CEP85L: variants seen among roughly 807,000 people sequenced by gnomAD.
CEP85L encodes centrosomal protein 85L, also known as centrosomal protein of 85 kDa-like.
CEP85L carries 60 observed loss-of-function variants against 100.3 expected under a neutral mutation model. That is an observed-to-expected ratio of 0.60 (90% CI 0.49 to 0.74). The LOEUF is 0.74. Among genes scored for constraint, CEP85L ranks in the 30% least tolerant of loss-of-function variants. The pLI, the probability that CEP85L is intolerant of heterozygous loss-of-function variation, is 0.00. For synonymous variants in CEP85L, 319 were observed against 322.7 expected (o/e 0.99, Z 0.12); for missense variants, 973 against 936.2 (o/e 1.04, Z -0.51).
chr6:118,472,289 C>A (rs913094586), intron 10 of CEP85L, among the ~76,000 whole-genome samples: 1 of 152,054 alleles, frequency 6.6e-6, no homozygotes, highest in Non-Finnish European at 1.5e-5. Context: ...ATCAGAAAAA[C>A]TGAAAATGTC....
chr6:118,499,158 A>G (rs1287239015), intron 5 of CEP85L, among the ~76,000 whole-genome samples: 1 of 152,222 alleles, frequency 6.6e-6, no homozygotes, highest in Non-Finnish European at 1.5e-5. Flanking sequence ...GAAAAAAAGG[A>G]TCTAAAATAA....
intron 4 of CEP85L, among the ~76,000 whole-genome samples, chr6:118,512,558 T>C (rs1776031530): frequency 6.6e-6 from 1 of 152,164 alleles, no homozygotes; most frequent in South Asian, 2.1e-4. Flanking sequence ...AGAATGTTAC[T>C]GGCATCTAGT....
rs541265210 is a variant in CEP85L at position 118,572,615 on chromosome 6, T to C, written c.233-6299A>G. Among the ~76,000 whole-genome samples, 144 of 152,254 alleles carry C rather than the reference T, an allele frequency of 9.5e-4. 1 individual carries two copies. Among genetic ancestry groups the C allele is most frequent in the Middle Eastern group, 3.4e-3 (1 of 294 alleles). On this transcript the variant is annotated intron_variant, in intron 2 of 12. Transcript: ENST00000368491. ...TAAATAAATATTTCAAAGTATTCTC[T>C]ATATTTTTAGGTAAATATATTTTAA...
intron 5 of CEP85L, among the ~76,000 whole-genome samples, chr6:118,507,160 A>G (rs1488994165): frequency 6.6e-6 from 1 of 152,120 alleles, no homozygotes; most frequent in Non-Finnish European, 1.5e-5. Context: ...TTAACTCACT[A>G]TTTTTCTCCT....
intron 1 of CEP85L, among the ~76,000 whole-genome samples, chr6:118,641,005 T>C (rs1236091816): frequency 6.6e-6 from 1 of 152,230 alleles, no homozygotes; most frequent in African/African-American, 2.4e-5. Flanking sequence ...TAAGCTTTTC[T>C]GTACTGAGTC....
intron 5 of CEP85L, chr6:118,502,773 T>G (rs369555078): frequency 1.7e-6 from 1 of 594,030 alleles, no homozygotes; most frequent in African/African-American, 1.8e-5. Context: ...CTTAAAGAAC[T>G]TGTACAACAA....
At chr6:118,694,603 T>G (rs534660760) in intron 1 of CEP85L, among the ~76,000 whole-genome samples, 98 of 152,272 alleles carry the variant, frequency 6.4e-4, no homozygotes, top group Middle Eastern at 3.4e-3. Context: ...CTAAAACCCC[T>G]ACAATCTCTC....
At chr6:118,598,524 G>A (rs1781568309) in intron 2 of CEP85L, among the ~76,000 whole-genome samples, 1 of 152,116 alleles carries the variant, frequency 6.6e-6, no homozygotes, top group Non-Finnish European at 1.5e-5. Context: ...AAGATATGAA[G>A]ACAGAAAGCT....
At chr6:118,683,821 A>G (rs1261660123) in intron 1 of CEP85L, among the ~76,000 whole-genome samples, 1 of 152,176 alleles carries the variant, frequency 6.6e-6, no homozygotes, top group Non-Finnish European at 1.5e-5. Flanking sequence ...GTAAAGAGAC[A>G]TTTGTTGGGT....
chr6:118,469,670 T>G (rs1171393760), intron 11 of CEP85L, among the ~76,000 whole-genome samples: 1 of 152,162 alleles, frequency 6.6e-6, no homozygotes, highest in African/African-American at 2.4e-5. Flanking sequence ...CAATCATGAC[T>G]CACTACTGCA....
intron 2 of CEP85L, among the ~76,000 whole-genome samples, chr6:118,607,727 C>T (rs1772322397): frequency 6.6e-6 from 1 of 152,120 alleles, no homozygotes; most frequent in Non-Finnish European, 1.5e-5. Flanking sequence ...ATCCTTTACC[C>T]AGGTACCCCA....
intron 2 of CEP85L, among the ~76,000 whole-genome samples, chr6:118,604,882 C>G (rs1273228930): frequency 6.6e-6 from 1 of 152,018 alleles, no homozygotes; most frequent in Non-Finnish European, 1.5e-5. Flanking sequence ...TTAAAACTGT[C>G]TTTATTTCCA....
chr6:118,605,857 A>T (rs1285214591), intron 2 of CEP85L, among the ~76,000 whole-genome samples: 1 of 151,776 alleles, frequency 6.6e-6, no homozygotes, highest in Admixed American at 6.6e-5. Context: ...CCAAAAATAC[A>T]AAAAAAATTA....
intron 2 of CEP85L, among the ~76,000 whole-genome samples, chr6:118,598,243 C>T (rs1247608130): frequency 1.3e-5 from 2 of 152,208 alleles, no homozygotes; most frequent in East Asian, 3.8e-4. Context: ...TCTCCACGCA[C>T]TTCTGATTTA....
At chr6:118,650,951 C>T (rs1775511956) in intron 1 of CEP85L, among the ~76,000 whole-genome samples, 3 of 152,214 alleles carry the variant, frequency 2.0e-5, no homozygotes, top group Admixed American at 2.0e-4. Flanking sequence ...AAGTTGGGGG[C>T]GCTGGGGCTG....
intron 2 of CEP85L, among the ~76,000 whole-genome samples, chr6:118,585,938 G>A (rs993814435): frequency 6.6e-6 from 1 of 152,122 alleles, no homozygotes; most frequent in African/African-American, 2.4e-5. Flanking sequence ...CTGGGTAGAA[G>A]CATTTCCATG....
chr6:118,703,846 A>G (rs971173316), intron 1 of CEP85L, among the ~76,000 whole-genome samples: 1 of 152,194 alleles, frequency 6.6e-6, no homozygotes, highest in African/African-American at 2.4e-5. Context: ...AAATATATTT[A>G]ATGTTATCTG....
At chr6:118,615,219 C>T (rs1051130188) in intron 2 of CEP85L, among the ~76,000 whole-genome samples, 6 of 152,028 alleles carry the variant, frequency 3.9e-5, no homozygotes, top group Non-Finnish European at 5.9e-5. Flanking sequence ...CCTAGGAAGA[C>T]TTTTTTTGTA....
chr6:118,561,997 A>G (rs570129738), intron 3 of CEP85L, among the ~76,000 whole-genome samples: 29 of 152,320 alleles, frequency 1.9e-4, no homozygotes, highest in South Asian at 8.3e-4. Context: ...GCACACTTCA[A>G]AATGTCCAGA....
Sources: allele counts gnomAD v4.1 joint callset (sites outside exome capture counted in the v4.1 genomes callset), GRCh38; gene constraint gnomAD v4.1.1; transcripts MANE v1.5; gene names NCBI Gene and HGNC (gene_info 2026-07-23, HGNC 2026-07-21).